Variants in TUT7 observed in about 807,000 individuals in gnomAD.
The protein encoded by TUT7 is terminal uridylyl transferase 7, also known as terminal uridylyltransferase 7.
A neutral mutation model predicts 165.9 loss-of-function variants in TUT7; 33 were observed. The observed-to-expected ratio is 0.20, with a 90% CI of 0.15 to 0.27. The LOEUF (loss-of-function observed/expected upper bound fraction) is 0.27, where lower values mean the gene tolerates loss of function less well. Ranked by LOEUF, TUT7 falls within the 10% of genes least tolerant of loss-of-function variation. The pLI is 1.00. For synonymous variants in TUT7, 552 were observed against 608.1 expected, an observed-to-expected ratio of 0.91 and a Z score of 1.36; for missense variants, 1,338 against 1,762.3, an observed-to-expected ratio of 0.76 and a Z score of 4.31.
At position 86,325,523 on chromosome 9, in the gene TUT7, A is replaced by G; in HGVS notation, c.1609-9T>C. The G allele has an allele frequency of 1.2e-6, 2 of 1,607,130 alleles. No homozygotes were observed. Among genetic ancestry groups the G allele is most frequent in the Admixed American group, 1.7e-5 (1 of 58,898 alleles). On this transcript the variant is annotated splice_polypyrimidine_tract_variant and intron_variant, in intron 11 of 26. Coordinates refer to ENST00000375963, the MANE Select transcript of TUT7 (RefSeq NM_024617.4). ...TCCAATATTAATGACACCTATTAAT[A>G]GCAAAGAGAAACATACAGGTTATTT...
rs574599087 is a variant in TUT7, at chr9:86,344,788, A to G, written c.997+189T>C. ...AAATTTATAATGGAAACAGGTTTAT[A>G]ATGACAATGCATATGAAAGTCCTTG... On this transcript the variant is annotated intron_variant, in intron 5 of 26. Transcript: ENST00000375963. The G allele has an allele frequency of 1.2e-5, 7 of 567,410 alleles. No individual in the cohort carries two copies. In the African/African-American group the frequency reaches 1.3e-4, roughly 11 times the overall value. The allele number at this position is 567,410 out of a possible 1,614,324, so 35.1% of individuals were successfully genotyped here. A position where few individuals can be genotyped will look rare whatever the true frequency, so the allele number is the denominator to read the frequency against.
chr9:86,343,664 G>A (rs967139210), intron 5 of TUT7, among the ~76,000 whole-genome samples: 2 of 152,010 alleles, frequency 1.3e-5, no homozygotes, highest in Non-Finnish European at 2.9e-5. Flanking sequence ...ATAATCTTTT[G>A]ACATATTTAA....
intron 10 of TUT7, among the ~76,000 whole-genome samples, chr9:86,329,011 GA>G (rs1830064154): frequency 1.3e-5 from 2 of 152,148 alleles, no homozygotes; most frequent in Non-Finnish European, 2.9e-5. Context: ...TATATTGCTA[GA>G]AAATGAAAAT....
chr9:86,323,820 G>C lies in TUT7; in HGVS notation c.1930C>G (p.Leu644Val). 1 of 1,614,032 alleles carries C rather than the reference G, an allele frequency of 6.2e-7. No homozygotes were observed. Among genetic ancestry groups the C allele is most frequent in the Non-Finnish European group, 8.5e-7 (1 of 1,179,902 alleles). ...TCTGAAATACATGTAATTGCATTCA[G>C]AGGCTTTAGAAGGCTGGATTTTGTA... ...KITKSSLLKP[L>V]NAITCISEHS... Residue 644 changes from leucine to valine, a missense_variant, in exon 13 of 27, where the codon CTG (leucine) becomes GTG (valine). This residue lies in a region of TUT7 where 425 missense variants were observed against 474.9 expected (regional missense o/e 0.89). Coordinates refer to ENST00000375963, the MANE Select transcript of TUT7 (RefSeq NM_024617.4).
At chr9:86,325,990 C>T (rs932120783) in intron 11 of TUT7, among the ~76,000 whole-genome samples, 2 of 152,226 alleles carry the variant, frequency 1.3e-5, no homozygotes, top group Non-Finnish European at 2.9e-5. Flanking sequence ...TTGACTCTGT[C>T]AGTGACAACT....
At position 86,323,782 on chromosome 9, in the gene TUT7, T is replaced by C. The variant is rs1454783939; in HGVS notation, c.1968A>G (p.Glu656=). The C allele has an allele frequency of 5.0e-6, 8 of 1,613,822 alleles. No homozygotes were observed. The highest frequency in any genetic ancestry group is 5.9e-6 in the Non-Finnish European group (7 of 1,179,934). The stretch of plus-strand genomic sequence containing the variant: ...GTACATCTGGATGATGATTTATTAC[T>C]TCTTTAGAATGTTCTGAAATACATG... ...AITCISEHSK[E]VINHHPDVQT... The change falls in exon 13 of 27, where the codon GAA becomes GAG. Residue 656 remains glutamate, a synonymous_variant. Transcript: ENST00000375963.
At chr9:86,331,624 A>G (rs900124002) in intron 10 of TUT7, among the ~76,000 whole-genome samples, 17 of 152,176 alleles carry the variant, frequency 1.1e-4, no homozygotes, top group Admixed American at 3.3e-4. Flanking sequence ...CTTGAAATCA[A>G]TCTCATCTGA....
chr9:86,344,914 T>C, intron 5 of TUT7, 63 bp downstream of exon 5: 2 of 1,360,916 alleles, frequency 1.5e-6, no homozygotes, highest in South Asian at 2.8e-5. Flanking sequence ...AAATTACTAT[T>C]GGTAGGAGAA....
At chr9:86,291,569 T>A in intron 26 of TUT7, among the ~76,000 whole-genome samples, 1 of 118,868 alleles carries the variant, frequency 8.4e-6, no homozygotes, top group East Asian at 2.4e-4. Flanking sequence ...CGAAACTCCA[T>A]CTCAAAAAAA....
At chr9:86,299,886 T>C (rs1826722267) in intron 26 of TUT7, among the ~76,000 whole-genome samples, 1 of 152,244 alleles carries the variant, frequency 6.6e-6, no homozygotes, top group African/African-American at 2.4e-5. Flanking sequence ...TTGGGAATAC[T>C]ATTTAAAAGT....
chr9:86,307,919 A>C (rs1440739447), intron 22 of TUT7, among the ~76,000 whole-genome samples: 1 of 152,068 alleles, frequency 6.6e-6, no homozygotes, highest in Non-Finnish European at 1.5e-5. Flanking sequence ...GCTTGAACCC[A>C]GGAGGCGGAG....
At chr9:86,345,541 C>G in intron 4 of TUT7, 128 bp downstream of exon 4, 2 of 712,230 alleles carry the variant, frequency 2.8e-6, no homozygotes, top group South Asian at 3.8e-5. Context: ...TATTTTGGCT[C>G]AAATATATTC....
intron 25 of TUT7, 73 bp downstream of exon 25, chr9:86,303,013 A>G (rs1827092171): frequency 4.4e-6 from 3 of 677,638 alleles, no homozygotes; most frequent in Non-Finnish European, 7.7e-6. Context: ...TCTTTGTTAT[A>G]ATAGTACCTC....
chr9:86,294,863 G>T (rs1826177953), intron 26 of TUT7, among the ~76,000 whole-genome samples: 1 of 149,976 alleles, frequency 6.7e-6, no homozygotes. Flanking sequence ...TTAGCATTAG[G>T]TATAAAAAAA....
At position 86,294,026 on chromosome 9, in the gene TUT7, G is replaced by T. The variant is rs535686547; in HGVS notation, c.4421-5282C>A. Among the ~76,000 whole-genome samples, 5 of 152,292 alleles carry T rather than the reference G, an allele frequency of 3.3e-5. No individual in the cohort carries two copies. In the East Asian group the frequency reaches 9.6e-4, roughly 29 times the overall value. ...GTCTCAAAGTACTAGGATTATAGGC[G>T]TGAGCCATGGCGCCCGGCCGCAAGG... On this transcript the variant is annotated intron_variant, in intron 26 of 26. Coordinates refer to ENST00000375963, the MANE Select transcript of TUT7 (RefSeq NM_024617.4).
At chr9:86,321,235 T>C (rs143818238) in intron 14 of TUT7, among the ~76,000 whole-genome samples, 1,695 of 151,592 alleles carry the variant, frequency 0.011, 34 homozygotes, top group African/African-American at 0.038. Context: ...TGCATGACTG[T>C]AATTCCAGCT....
At chr9:86,304,813 CT>C (rs755338520) in intron 24 of TUT7, 42 bp downstream of exon 24, 7 of 1,406,680 alleles carry the variant, frequency 5.0e-6, no homozygotes, top group East Asian at 2.3e-5. Flanking sequence ...AAATTAGGCA[CT>C]TTTTTTTATT....
intron 1 of TUT7, among the ~76,000 whole-genome samples, chr9:86,353,658 G>A (rs1832493272): frequency 6.6e-6 from 1 of 152,118 alleles, no homozygotes; most frequent in Non-Finnish European, 1.5e-5. Flanking sequence ...TTACTTGTAA[G>A]TGTTATACAC....
intron 25 of TUT7, 41 bp from the exon 26 acceptor site, chr9:86,301,642 A>G: frequency 1.3e-6 from 2 of 1,559,188 alleles, no homozygotes; most frequent in Non-Finnish European, 1.7e-6. Context: ...TCTAAACAGA[A>G]GCCTAACAAA....
Sources: gnomAD v4.1 joint callset for allele counts (sites outside exome capture counted in the v4.1 genomes callset) on GRCh38, gnomAD v4.1.1 for gene constraint, gnomAD v4.1.1 regional missense constraint, MANE v1.5 for transcripts, NCBI Gene and HGNC (gene_info 2026-07-23, HGNC 2026-07-21) for gene names.